The following ZBED6 variants were observed in gnomAD, a reference collection of about 807,000 sequenced individuals.
The protein encoded by ZBED6 is zinc finger BED-type containing 6, also known as zinc finger BED domain-containing protein 6.
Under a neutral mutation model 58.4 loss-of-function variants are expected in ZBED6, and 40 were observed. That is an observed-to-expected ratio of 0.68 (90% CI 0.53 to 0.89). The LOEUF (loss-of-function observed/expected upper bound fraction) is 0.89. Among genes scored for constraint, ZBED6 ranks in the 40% least tolerant of loss-of-function variants. The pLI is 0.00. For synonymous variants in ZBED6, 439 were observed against 350.6 expected (o/e 1.25, Z -2.82); for missense variants, 1,057 against 1,003.9 (o/e 1.05, Z -0.71).
At chr1:203,806,830 C>CT (rs373591619) in intron 1 of ZBED6, among the ~76,000 whole-genome samples, 70,697 of 117,910 alleles carry the variant, frequency 0.6, 21,806 homozygotes, top group Admixed American at 0.7. Flanking sequence ...CCTCAGGTTC[C>CT]TTTTTTTTTT....
intron 3 of ZBED6, among the ~76,000 whole-genome samples, chr1:203,822,080 T>A (rs1318593432): frequency 6.6e-6 from 1 of 152,162 alleles, no homozygotes; most frequent in Non-Finnish European, 1.5e-5. Context: ...AATAGATACA[T>A]AGTATTACAA....
At chr1:203,799,239 A>G (rs1669741204) in exon 1 of ZBED6, 1 of 846,660 alleles carries the variant, frequency 1.2e-6, no homozygotes, top group Non-Finnish European at 1.9e-6. Context: ...GGTACATGCA[A>G]TCAAAGATGG....
At chr1:203,812,990 G>C (rs752435214) in intron 1 of ZBED6, among the ~76,000 whole-genome samples, 7 of 152,100 alleles carry the variant, frequency 4.6e-5, no homozygotes, top group Non-Finnish European at 1.0e-4. Context: ...TGAGGTACCT[G>C]TTCAGATCTT....
At chr1:203,832,458 T>G (rs1277766591) in intron 8 of ZBED6, among the ~76,000 whole-genome samples, 1 of 152,112 alleles carries the variant, frequency 6.6e-6, no homozygotes, top group African/African-American at 2.4e-5. Flanking sequence ...CCTCCCAGGT[T>G]CAAGTGATTC....
intron 1 of ZBED6, among the ~76,000 whole-genome samples, chr1:203,813,944 C>G (rs1352356046): frequency 2.7e-5 from 4 of 148,216 alleles, no homozygotes; most frequent in Non-Finnish European, 4.4e-5. Flanking sequence ...CCACCCATAC[C>G]CTTTTCTCTA....
At chr1:203,809,816 T>C (rs1291196992) in intron 1 of ZBED6, among the ~76,000 whole-genome samples, 2 of 151,936 alleles carry the variant, frequency 1.3e-5, no homozygotes, top group Non-Finnish European at 1.5e-5. Flanking sequence ...TAGCCAGGCA[T>C]GGTGGCAGGC....
intron 7 of ZBED6, among the ~76,000 whole-genome samples, 200 bp downstream of exon 7, chr1:203,830,403 G>T (rs899419978): frequency 6.6e-6 from 1 of 152,142 alleles, no homozygotes; most frequent in Non-Finnish European, 1.5e-5. Context: ...TCAGAGCTGG[G>T]TACAATAAAG....
At chr1:203,803,516 T>A (rs1671166120) in intron 1 of ZBED6, among the ~76,000 whole-genome samples, 1 of 152,186 alleles carries the variant, frequency 6.6e-6, no homozygotes, top group Non-Finnish European at 1.5e-5. Flanking sequence ...TTTGTTTTGA[T>A]AATATATGTA....
At chr1:203,803,720 C>T (rs34429029) in intron 1 of ZBED6, among the ~76,000 whole-genome samples, 15,719 of 152,092 alleles carry the variant, frequency 0.1, 1,095 homozygotes, top group Non-Finnish European at 0.14. Flanking sequence ...ATCCTATTGC[C>T]GAAGCCTCCT....
chr1:203,812,738 C>T (rs986425185), intron 1 of ZBED6, among the ~76,000 whole-genome samples: 2 of 151,756 alleles, frequency 1.3e-5, no homozygotes, highest in Admixed American at 6.6e-5. Context: ...TGTGCTACCA[C>T]GGCCAGCTAA....
At chr1:203,819,226 ATTTTTTT>A (rs967842944) in intron 3 of ZBED6, among the ~76,000 whole-genome samples, 1 of 123,808 alleles carries the variant, frequency 8.1e-6, no homozygotes, top group East Asian at 2.3e-4. Context: ...CTTTCTTTTT[ATTTTTTT>A]TTTTTTGAAA....
At chr1:203,846,115 C>CAAA (rs34793133) in intron 11 of ZBED6, among the ~76,000 whole-genome samples, 19 of 53,078 alleles carry the variant, frequency 3.6e-4, no homozygotes, top group African/African-American at 9.1e-4. Flanking sequence ...TCGTCTTTAC[C>CAAA]AAAAAAAAAA....
chr1:203,796,328 A>G (rs977979378), exon 1 of ZBED6: 21 of 398,234 alleles, frequency 5.3e-5, no homozygotes, highest in Non-Finnish European at 8.0e-5. Context: ...CAAACTCCAC[A>G]TACAGAAAGC....
chr1:203,824,524 C>A (rs6658514), intron 3 of ZBED6, among the ~76,000 whole-genome samples: 110,003 of 152,038 alleles, frequency 0.72, 39,932 homozygotes, highest in Middle Eastern at 0.77. Context: ...CTTGGCCATT[C>A]GTAGGCATGT....
At chr1:203,837,421 G>A (rs35714127) in intron 9 of ZBED6, among the ~76,000 whole-genome samples, 16,431 of 150,354 alleles carry the variant, frequency 0.11, 1,148 homozygotes, top group Non-Finnish European at 0.15. Context: ...AAATGTTTGT[G>A]TATTCTAATT....
chr1:203,823,632 T>C (rs1679502325), intron 3 of ZBED6, among the ~76,000 whole-genome samples: 1 of 152,244 alleles, frequency 6.6e-6, no homozygotes, highest in African/African-American at 2.4e-5. Flanking sequence ...CAGGCATTTC[T>C]AAGGACAGTA....
intron 11 of ZBED6, among the ~76,000 whole-genome samples, chr1:203,840,924 G>T (rs1025808954): frequency 1.3e-5 from 2 of 151,996 alleles, no homozygotes; most frequent in Non-Finnish European, 2.9e-5. Flanking sequence ...ACGAGCCACC[G>T]CACCCGGCTA....
At chr1:203,835,557 A>G in intron 9 of ZBED6, 1 of 168,102 alleles carries the variant, frequency 5.9e-6, no homozygotes, top group African/African-American at 2.4e-5. Context: ...GCGCAAATCC[A>G]CTTTTACTGA....
intron 1 of ZBED6, among the ~76,000 whole-genome samples, chr1:203,816,134 T>A (rs1027521223): frequency 1.4e-4 from 22 of 152,230 alleles, no homozygotes; most frequent in Admixed American, 1.3e-3. Flanking sequence ...GATTATATAC[T>A]TTTGGAATAA....
Sources: allele counts gnomAD v4.1 joint callset (sites outside exome capture counted in the v4.1 genomes callset), GRCh38; gene constraint gnomAD v4.1.1; transcripts MANE v1.5; gene names NCBI Gene and HGNC (gene_info 2026-07-23, HGNC 2026-07-21).